GEM: variants seen among roughly 807,000 people sequenced by gnomAD.
The protein encoded by GEM is GTP binding protein overexpressed in skeletal muscle, also known as GTP-binding protein GEM.
GEM carries 31 observed loss-of-function variants against 33.0 expected under a neutral mutation model. The ratio of observed to expected loss-of-function variants is 0.94; its 90% CI spans 0.71 to 1.27. The LOEUF (loss-of-function observed/expected upper bound fraction) is 1.27. GEM is among the 50% of genes most tolerant of loss of function. The probability of loss-of-function intolerance (pLI) is 0.00; values close to 1 mark genes in which losing one functional copy is unlikely to be tolerated. For synonymous variants in GEM, 141 were observed against 143.7 expected, an observed-to-expected ratio of 0.98 and a Z score of 0.13; for missense variants, 354 against 390.5, an observed-to-expected ratio of 0.91 and a Z score of 0.79.
At position 94,250,600 on chromosome 8, in the gene GEM, G is replaced by A; in HGVS notation, c.614-13C>T. The A allele has an allele frequency of 6.2e-7, 1 of 1,607,478 alleles. No individual in the cohort carries two copies. Among genetic ancestry groups the A allele is most frequent in the Non-Finnish European group, 8.5e-7 (1 of 1,175,660 alleles). On this transcript the variant is annotated splice_polypyrimidine_tract_variant and intron_variant, in intron 4 of 4. Coordinates refer to ENST00000297596, the MANE Select transcript of GEM (RefSeq NM_005261.4). Reference sequence around the variant, plus strand: ...CAGGCTCTCCCTTCTGGGAAGGAAAGAAAGAGGTCAGAGGGACTGCAGAGC... The same window carrying A: ...CAGGCTCTCCCTTCTGGGAAGGAAAAAAAGAGGTCAGAGGGACTGCAGAGC...
intron 2 of GEM, 84 bp downstream of exon 2, chr8:94,260,087 CTG>C (rs780300506): frequency 1.4e-5 from 12 of 855,598 alleles, no homozygotes; most frequent in Non-Finnish European, 2.1e-5. Flanking sequence ...GCTCCCAACT[CTG>C]TGGGTAAATA....
At chr8:94,261,642 C>T (rs1809025852) in intron 1 of GEM, among the ~76,000 whole-genome samples, 1 of 152,166 alleles carries the variant, frequency 6.6e-6, no homozygotes, top group South Asian at 2.1e-4. Context: ...AGATCACAGG[C>T]CTGAGCCACC....
chr8:94,256,173 G>A (rs978444544), intron 2 of GEM, among the ~76,000 whole-genome samples: 5 of 150,412 alleles, frequency 3.3e-5, no homozygotes, highest in Admixed American at 6.6e-5. Context: ...TAACCTTGAC[G>A]TCTCCTCTTA....
intron 1 of GEM, among the ~76,000 whole-genome samples, chr8:94,261,022 C>T (rs1163926946): frequency 3.3e-5 from 5 of 152,172 alleles, no homozygotes; most frequent in Non-Finnish European, 7.4e-5. Flanking sequence ...TGACATCACC[C>T]TCCCCTCCCC....
rs1283081780 is a variant in GEM at position 94,260,393 on chromosome 8, G to C, written c.111C>G (p.Pro37=). The change falls in exon 2 of 5, where the codon CCC becomes CCG. Residue 37 remains proline (P), a synonymous_variant. Transcript: ENST00000297596. ...DGRHLMVQKE[P]HQYSHRNRHS... Reference sequence around the variant, plus strand: ...GGCGGTTGCGGTGGCTGTACTGGTGGGGCTCTTTCTGGACCATCAGATGCC... The same window carrying C: ...GGCGGTTGCGGTGGCTGTACTGGTGCGGCTCTTTCTGGACCATCAGATGCC... The C allele has an allele frequency of 2.5e-6, 4 of 1,614,010 alleles. No individual in the cohort carries two copies. The South Asian group carries it at 3.3e-5, about 13-fold the overall frequency.
At chr8:94,252,910 T>C in intron 3 of GEM, 126 bp downstream of exon 3, 1 of 623,262 alleles carries the variant, frequency 1.6e-6, no homozygotes, top group Non-Finnish European at 2.9e-6. Flanking sequence ...CAGTATGCTT[T>C]TAATCAAGAA....
chr8:94,250,624 G>A lies in GEM; in HGVS notation c.614-37C>T, dbSNP rs528041646. The A allele has an allele frequency of 3.9e-6, 6 of 1,550,384 alleles. No individual in the cohort carries two copies. The African/African-American group carries it at 5.4e-5, about 14-fold the overall frequency. On this transcript the variant is annotated intron_variant, in intron 4 of 4. Coordinates refer to ENST00000297596, the MANE Select transcript of GEM (RefSeq NM_005261.4). ...AGAAAGAGGTCAGAGGGACTGCAGA[G>A]CACAGTCCCACATAGCACACAGTCA...
intron 2 of GEM, chr8:94,259,956 C>T (rs1025971007): frequency 1.6e-5 from 8 of 488,818 alleles, no homozygotes; most frequent in Non-Finnish European, 2.9e-5. Context: ...CCCTTTCTGG[C>T]CCAGGATCAA....
chr8:94,251,255 G>A (rs1172489695), intron 4 of GEM, among the ~76,000 whole-genome samples: 1 of 152,192 alleles, frequency 6.6e-6, no homozygotes, highest in Non-Finnish European at 1.5e-5. Context: ...TTCTGGGACA[G>A]TCTCAATTTC....
chr8:94,255,207 C>T (rs913526687), intron 2 of GEM, among the ~76,000 whole-genome samples: 1 of 152,144 alleles, frequency 6.6e-6, no homozygotes, highest in African/African-American at 2.4e-5. Flanking sequence ...TACTGTGTTC[C>T]AATCGCTGAC....
rs199789983 is a variant in GEM, at chr8:94,250,571, T to C, written c.630A>G (p.Ala210=). The C allele has an allele frequency of 1.2e-6, 2 of 1,613,236 alleles. No homozygotes were observed. Among genetic ancestry groups the C allele is most frequent in the East Asian group, 4.5e-5 (2 of 44,854 alleles). The change falls in exon 5 of 5, where the codon GCA becomes GCG. Residue 210 remains alanine, a synonymous_variant. Coordinates refer to ENST00000297596, the MANE Select transcript of GEM (RefSeq NM_005261.4). ...CGATGAACTTGCAGTCAAACACCAC[T>C]GCACAGGCTCTCCCTTCTGGGAAGG... ...EVSVSEGRAC[A]VVFDCKFIET... is the part of the protein sequence containing the mutation.
chr8:94,256,437 C>T (rs926456729), intron 2 of GEM, among the ~76,000 whole-genome samples: 2 of 152,230 alleles, frequency 1.3e-5, no homozygotes, highest in African/African-American at 4.8e-5. Flanking sequence ...GTTAACACTC[C>T]TTGTGCTTGG....
Position 94,252,967 on chromosome 8 carries a change from C to G in GEM, c.408+69G>C, listed in dbSNP as rs574118145. The G allele has an allele frequency of 3.9e-4, 338 of 872,822 alleles. 9 individuals are homozygous for G. In the South Asian group the frequency reaches 4.4e-3, roughly 11 times the overall value. 54.1% of individuals were successfully genotyped at this position (872,822 alleles called of 1,614,324 possible). On this transcript the variant is annotated intron_variant, in intron 3 of 4. Coordinates refer to ENST00000297596, the MANE Select transcript of GEM (RefSeq NM_005261.4). ...ACACCTACTATATAGGACAAGGTCACCCTTGCACCAAACAACTTGTTGAAA... is the reference window on the plus strand; with the variant it reads ...ACACCTACTATATAGGACAAGGTCAGCCTTGCACCAAACAACTTGTTGAAA...
At position 94,251,913 on chromosome 8, in the gene GEM, T is replaced by C. The variant is rs139633989; in HGVS notation, c.613+106A>G. On this transcript the variant is annotated intron_variant, in intron 4 of 4. Coordinates refer to ENST00000297596, the MANE Select transcript of GEM (RefSeq NM_005261.4). ...CCTAAAATTTCATATAGCATCTTAATGAGTTCCTAGATCCAGCCTCGTGGA... is the reference window on the plus strand; with the variant it reads ...CCTAAAATTTCATATAGCATCTTAACGAGTTCCTAGATCCAGCCTCGTGGA... The C allele has an allele frequency of 3.2e-4, 263 of 833,368 alleles. No homozygotes were observed. In the African/African-American group the frequency reaches 3.8e-3, roughly 12 times the overall value. 51.6% of individuals were successfully genotyped at this position (833,368 alleles called of 1,614,324 possible).
chr8:94,257,613 C>T (rs931532763), intron 2 of GEM, among the ~76,000 whole-genome samples: 1 of 152,162 alleles, frequency 6.6e-6, no homozygotes, highest in Non-Finnish European at 1.5e-5. Flanking sequence ...ATACATTATG[C>T]TCCATTGCAT....
At chr8:94,259,528 G>A (rs1450888713) in intron 2 of GEM, among the ~76,000 whole-genome samples, 3 of 152,156 alleles carry the variant, frequency 2.0e-5, no homozygotes, top group Non-Finnish European at 4.4e-5. Context: ...AAGAATACAT[G>A]CATTTTGAGA....
Position 94,252,125 on chromosome 8 carries a change from A to G in GEM, c.507T>C (p.Ser169=). 6.2e-7 allele frequency: 1 copy of G among 1,613,736 alleles called. No homozygotes were observed. The highest frequency in any genetic ancestry group is 8.5e-7 in the Non-Finnish European group (1 of 1,179,598). The change falls in exon 4 of 5, where the codon TCT becomes TCC. Residue 169 remains serine (S), a synonymous_variant. Transcript: ENST00000297596. Reference sequence around the variant, plus strand: ...CCCTGCGGAGCTGGATTCGCAGCTCAGATGCCTTCTCGAAGCTCGCTCGGT... The same window carrying G: ...CCCTGCGGAGCTGGATTCGCAGCTCGGATGCCTTCTCGAAGCTCGCTCGGT... ...ITDRASFEKA[S]ELRIQLRRAR...
At chr8:94,250,715 C>T (rs1436164309) in intron 4 of GEM, 128 bp from the exon 5 acceptor site, 55 of 651,234 alleles carry the variant, frequency 8.4e-5, no homozygotes, top group Admixed American at 1.4e-4. Flanking sequence ...GATGCTGCTG[C>T]GGCATGGGCC....
At chr8:94,261,504 C>A (rs960562133) in intron 1 of GEM, among the ~76,000 whole-genome samples, 1 of 152,142 alleles carries the variant, frequency 6.6e-6, no homozygotes, top group Non-Finnish European at 1.5e-5. Flanking sequence ...CCTGCACTAC[C>A]ACGTCCACTA....
Sources: allele counts gnomAD v4.1 joint callset (sites outside exome capture counted in the v4.1 genomes callset), GRCh38; gene constraint gnomAD v4.1.1; transcripts MANE v1.5; gene names NCBI Gene and HGNC (gene_info 2026-07-23, HGNC 2026-07-21).